PRR16: variants seen among roughly 807,000 people sequenced by gnomAD.
PRR16 encodes protein Largen.
Under a neutral mutation model 18.2 loss-of-function variants are expected in PRR16, and 6 were observed. The ratio of observed to expected loss-of-function variants is 0.33; its 90% CI spans 0.18 to 0.65. The LOEUF (loss-of-function observed/expected upper bound fraction) is 0.65. Ranked by LOEUF, PRR16 falls within the 30% of genes least tolerant of loss-of-function variation. The pLI is 0.74. For synonymous variants in PRR16, 151 were observed against 147.8 expected, an observed-to-expected ratio of 1.02 and a Z score of -0.16; for missense variants, 412 against 376.6, an observed-to-expected ratio of 1.09 and a Z score of -0.78.
the PRR16 span, chr5:120,790,183 A>G: frequency 4.6e-5 from 7 of 152,282 alleles, no homozygotes; most frequent in Admixed American, 2.6e-4. Context: ...TTGGGGGTAA[A>G]AAAAGCCACA....
intron 1 of PRR16, among the ~76,000 whole-genome samples, chr5:120,669,379 T>C (rs1033831726): frequency 6.6e-6 from 1 of 152,192 alleles, no homozygotes; most frequent in East Asian, 1.9e-4. Flanking sequence ...GTTTGCCAAC[T>C]CTACTTTGTC....
intron 1 of PRR16, among the ~76,000 whole-genome samples, chr5:120,622,522 A>G (rs1408806199): frequency 6.6e-6 from 1 of 151,908 alleles, no homozygotes; most frequent in Non-Finnish European, 1.5e-5. Flanking sequence ...CTATGTCGCC[A>G]GGCTGGAGTG....
intron 1 of PRR16, among the ~76,000 whole-genome samples, chr5:120,569,717 T>C (rs1019829352): frequency 8.5e-5 from 13 of 152,076 alleles, no homozygotes; most frequent in African/African-American, 3.1e-4. Context: ...GCAGGGTTCA[T>C]AAAAGGCATG....
intron 1 of PRR16, among the ~76,000 whole-genome samples, chr5:120,477,323 C>T (rs56008932): frequency 0.067 from 10,140 of 152,026 alleles, 784 homozygotes; most frequent in African/African-American, 0.19. Context: ...GGATCTCCCC[C>T]CTCCCACAAA....
chr5:120,699,435 G>T, the PRR16 span, among the ~76,000 whole-genome samples: 5 of 152,266 alleles, frequency 3.3e-5, no homozygotes, highest in African/African-American at 1.2e-4. Context: ...AGTCATGGGG[G>T]TCAGGTGTGG....
At chr5:120,743,065 C>A in the PRR16 span, among the ~76,000 whole-genome samples, 1 of 152,206 alleles carries the variant, frequency 6.6e-6, no homozygotes, top group South Asian at 2.1e-4. Context: ...AGTTCCTGTT[C>A]TACCTATTAT....
chr5:120,666,292 T>A (rs1202511595), intron 1 of PRR16, among the ~76,000 whole-genome samples: 1 of 152,224 alleles, frequency 6.6e-6, no homozygotes, highest in African/African-American at 2.4e-5. Context: ...TGCTTGTGAT[T>A]TTTGTACATT....
At chr5:120,676,644 G>GACA (rs1032589866) in intron 1 of PRR16, among the ~76,000 whole-genome samples, 5 of 152,066 alleles carry the variant, frequency 3.3e-5, no homozygotes, top group Admixed American at 1.3e-4. Flanking sequence ...AGACAGCAAA[G>GACA]ACAGACATGC....
chr5:120,649,400 T>C (rs1223951715), intron 1 of PRR16, among the ~76,000 whole-genome samples: 1 of 152,194 alleles, frequency 6.6e-6, no homozygotes, highest in African/African-American at 2.4e-5. Context: ...AGAGTAATTT[T>C]ACCCCAGAGA....
chr5:120,788,543 G>T, the PRR16 span, among the ~76,000 whole-genome samples: 1 of 151,924 alleles, frequency 6.6e-6, no homozygotes, highest in Non-Finnish European at 1.5e-5. Flanking sequence ...CTTGAGTGCT[G>T]GTTTCCTTTA....
intron 1 of PRR16, among the ~76,000 whole-genome samples, chr5:120,588,901 T>C (rs1753540390): frequency 6.6e-6 from 1 of 151,990 alleles, no homozygotes; most frequent in Admixed American, 6.6e-5. Flanking sequence ...TCAAATAGGT[T>C]ATCTCTCTCT....
At chr5:120,512,457 G>T (rs773366643) in intron 1 of PRR16, among the ~76,000 whole-genome samples, 3 of 152,064 alleles carry the variant, frequency 2.0e-5, no homozygotes, top group Non-Finnish European at 4.4e-5. Flanking sequence ...GCTCTGAGAG[G>T]CCTGCTTCTG....
chr5:120,741,692 C>T, the PRR16 span, among the ~76,000 whole-genome samples: 1 of 152,134 alleles, frequency 6.6e-6, no homozygotes, highest in African/African-American at 2.4e-5. Context: ...GCCTCCGCCT[C>T]CCTGGTTCAA....
the PRR16 span, among the ~76,000 whole-genome samples, chr5:120,720,331 T>C: frequency 1.1e-4 from 16 of 152,184 alleles, no homozygotes; most frequent in Admixed American, 7.9e-4. Flanking sequence ...TCCACCAAAA[T>C]TAAGGTTTAT....
the PRR16 span, among the ~76,000 whole-genome samples, chr5:120,714,347 T>G: frequency 1.3e-5 from 2 of 152,176 alleles, no homozygotes; most frequent in Admixed American, 6.5e-5. Context: ...GTGGGAGGTA[T>G]AGAAATTTAT....
the PRR16 span, among the ~76,000 whole-genome samples, chr5:120,780,299 A>C: frequency 6.6e-6 from 1 of 152,212 alleles, no homozygotes; most frequent in Non-Finnish European, 1.5e-5. Context: ...AGAATTGCAC[A>C]TAAAATAAAT....
chr5:120,619,396 A>G (rs994324674), intron 1 of PRR16, among the ~76,000 whole-genome samples: 2 of 152,178 alleles, frequency 1.3e-5, no homozygotes, highest in African/African-American at 2.4e-5. Context: ...ATGTCTTTCC[A>G]TATTTATTAT....
At chr5:120,667,458 G>A (rs1334742755) in intron 1 of PRR16, among the ~76,000 whole-genome samples, 2 of 151,794 alleles carry the variant, frequency 1.3e-5, no homozygotes, top group African/African-American at 4.8e-5. Flanking sequence ...ATTTCCTTCA[G>A]TTCTGCTCTG....
At chr5:120,517,825 G>T (rs916737313) in intron 1 of PRR16, among the ~76,000 whole-genome samples, 1 of 152,142 alleles carries the variant, frequency 6.6e-6, no homozygotes, top group Non-Finnish European at 1.5e-5. Flanking sequence ...GTACTAGAAG[G>T]CCTGGGTTGT....
Sources: allele counts gnomAD v4.1 joint callset (sites outside exome capture counted in the v4.1 genomes callset), GRCh38; gene constraint gnomAD v4.1.1; transcripts MANE v1.5; gene names NCBI Gene and HGNC (gene_info 2026-07-23, HGNC 2026-07-21).